INPP5F: variants seen among roughly 807,000 people sequenced by gnomAD.
INPP5F encodes inositol polyphosphate-5-phosphatase F, also known as phosphatidylinositide 4-phosphatase SAC2.
INPP5F carries 97 observed loss-of-function variants against 137.2 expected under a neutral mutation model. The ratio of observed to expected loss-of-function variants is 0.71; its 90% CI spans 0.60 to 0.84. INPP5F has a LOEUF of 0.84. Among genes scored for constraint, INPP5F ranks in the 40% least tolerant of loss-of-function variants. The pLI, the probability that INPP5F is intolerant of heterozygous loss-of-function variation, is 0.00. For synonymous variants in INPP5F, 504 were observed against 476.9 expected (o/e 1.06, Z -0.74); for missense variants, 1,271 against 1,371.9 (o/e 0.93, Z 1.16).
At chr10:119,747,493 A>G (rs910449193) in intron 1 of INPP5F, among the ~76,000 whole-genome samples, 1 of 152,194 alleles carries the variant, frequency 6.6e-6, no homozygotes, top group Admixed American at 6.5e-5. Flanking sequence ...TGTTGGGGTT[A>G]CAGGCATGAG....
At chr10:119,749,373 A>G (rs1431541863) in intron 1 of INPP5F, among the ~76,000 whole-genome samples, 1 of 152,262 alleles carries the variant, frequency 6.6e-6, no homozygotes. Context: ...TGCGGCTGCC[A>G]TCAATAATGC....
chr10:119,769,280 T>G (rs1377577608), intron 2 of INPP5F, among the ~76,000 whole-genome samples: 1 of 152,158 alleles, frequency 6.6e-6, no homozygotes, highest in Admixed American at 6.5e-5. Context: ...GGGAGTCGGT[T>G]AATTTTAAAA....
Position 119,810,198 on chromosome 10 carries a change from T to G in INPP5F, c.1668T>G (p.Ala556=), listed in dbSNP as rs777340450. Reference sequence around the variant, plus strand: ...ATTACCTCAACCGATTTAAGGATGCTTATAGGCAAGCTGTTATAGGTAAGA... The same window carrying G: ...ATTACCTCAACCGATTTAAGGATGCGTATAGGCAAGCTGTTATAGGTAAGA... ...NRYYLNRFKD[A]YRQAVIDLMQ... Residue 556 remains alanine (A), a synonymous_variant, in exon 14 of 20, where the codon GCT becomes GCG. Coordinates refer to ENST00000650623, the MANE Select transcript of INPP5F (RefSeq NM_014937.4). 2.5e-6 allele frequency: 4 copies of G among 1,602,308 alleles called. No homozygotes were observed. Among genetic ancestry groups the G allele is most frequent in the Non-Finnish European group, 3.4e-6 (4 of 1,169,552 alleles).
rs1398130249 is a variant in INPP5F at position 119,829,117 on chromosome 10, TAAAATA to T, written c.*1340_*1345del. The T allele has an allele frequency of 2.6e-5, 4 of 152,294 alleles. No individual in the cohort carries two copies. The highest frequency in any genetic ancestry group is 1.9e-4 in the East Asian group (1 of 5,186). 9.4% of individuals were successfully genotyped at this position (152,294 alleles called of 1,614,324 possible). A position where few individuals can be genotyped will look rare whatever the true frequency, so the allele number is the denominator to read the frequency against. ...TTTACGTGTTAAATCTTGTGATTATTAAAATAAAGTACCATTGTAATTTAAAGTGAC... is the reference window on the plus strand; with the variant it reads ...TTTACGTGTTAAATCTTGTGATTATTAAGTACCATTGTAATTTAAAGTGAC... On this transcript the variant is annotated 3_prime_UTR_variant, in exon 20 of 20. Transcript: ENST00000650623.
intron 6 of INPP5F, chr10:119,793,531 A>G (rs1030317517): frequency 6.6e-6 from 1 of 151,406 alleles, no homozygotes; most frequent in Non-Finnish European, 1.5e-5. Flanking sequence ...CGGAGATAAG[A>G]GAGAAAGGAC....
chr10:119,760,187 T>C (rs1189970398), intron 2 of INPP5F, among the ~76,000 whole-genome samples: 1 of 152,212 alleles, frequency 6.6e-6, no homozygotes, highest in African/African-American at 2.4e-5. Context: ...CTCATTCCTT[T>C]TTCTAGTCAT....
At chr10:119,735,275 GTTATT>G (rs1164508150) in intron 1 of INPP5F, among the ~76,000 whole-genome samples, 3 of 152,064 alleles carry the variant, frequency 2.0e-5, no homozygotes, top group Non-Finnish European at 4.4e-5. Flanking sequence ...TTTCTTTTAA[GTTATT>G]TTATTTTAAT....
chr10:119,811,842 T>G lies in INPP5F; in HGVS notation c.1773T>G (p.Asn591Lys). The stretch of plus-strand genomic sequence containing the variant: ...AACATGAAGCTTTGCATAAGGAAAA[T>G]CAGAGAAGCCACCAGGAACTAATTA... The part of the protein sequence containing the change: ...EKEHEALHKE[N>K]QRSHQELISQ... Residue 591 changes from asparagine (N) to lysine (K), a missense_variant, in exon 15 of 20, where the codon AAT becomes AAG. Physicochemically the swap from Asn to Lys is moderately conservative, Grantham distance 94. This residue lies in a region of INPP5F where 593 missense variants were observed against 712.4 expected (regional missense o/e 0.83). Coordinates refer to ENST00000650623, the MANE Select transcript of INPP5F (RefSeq NM_014937.4). 1 of 1,614,072 alleles carries G rather than the reference T, an allele frequency of 6.2e-7. No homozygotes were observed. Among genetic ancestry groups the G allele is most frequent in the East Asian group, 2.2e-5 (1 of 44,882 alleles).
At chr10:119,746,843 C>T (rs970169701) in intron 1 of INPP5F, among the ~76,000 whole-genome samples, 5 of 148,872 alleles carry the variant, frequency 3.4e-5, no homozygotes, top group Admixed American at 1.3e-4. Flanking sequence ...CAGTTGAGTG[C>T]AGTGATGTAA....
At chr10:119,772,532 A>G (rs1020066726) in intron 2 of INPP5F, among the ~76,000 whole-genome samples, 15 of 151,994 alleles carry the variant, frequency 9.9e-5, no homozygotes, top group African/African-American at 3.6e-4. Context: ...GATATGTTTC[A>G]TTTTTAATGG....
At position 119,823,811 on chromosome 10, in the gene INPP5F, GCAGATACC is replaced by G; in HGVS notation, c.2162-2_2167del. 1.2e-6 allele frequency: 2 copies of G among 1,611,968 alleles called. No individual in the cohort carries two copies. The highest frequency in any genetic ancestry group is 1.7e-6 in the Non-Finnish European group (2 of 1,178,594). ...ATTGGCAGGCAGTTATATTTGGGTT[GCAGATACC>G]CTTCAGTGCATTGCAGAGATGCTGC... On this transcript the variant is annotated splice_acceptor_variant and splice_polypyrimidine_tract_variant and coding_sequence_variant and intron_variant, in exon 19 of 20. Transcript: ENST00000650623. LOFTEE classifies it high-confidence loss of function.
rs996909929 is a variant in INPP5F at position 119,828,950 on chromosome 10, G to A, written c.*1170G>A. ...CTGTAATCCCCACAGTAAGAAAGTT[G>A]TATGGCATATTCCAACAAGTATTGG... is the stretch of plus-strand genomic sequence containing the variant. On this transcript the variant is annotated 3_prime_UTR_variant, in exon 20 of 20. Transcript: ENST00000650623. 1 of 152,648 alleles carries A rather than the reference G, an allele frequency of 6.6e-6. No homozygotes were observed. Among genetic ancestry groups the A allele is most frequent in the Non-Finnish European group, 1.5e-5 (1 of 68,058 alleles). 9.5% of individuals were successfully genotyped at this position (152,648 alleles called of 1,614,324 possible).
intron 2 of INPP5F, among the ~76,000 whole-genome samples, chr10:119,771,113 C>T (rs1241098008): frequency 2.0e-5 from 3 of 152,172 alleles, no homozygotes; most frequent in Non-Finnish European, 4.4e-5. Flanking sequence ...TACCCCTACA[C>T]CAGCTCCTGG....
At chr10:119,777,496 A>C (rs1183398149) in intron 2 of INPP5F, among the ~76,000 whole-genome samples, 1 of 152,220 alleles carries the variant, frequency 6.6e-6, no homozygotes, top group Non-Finnish European at 1.5e-5. Flanking sequence ...ACCGCACTGC[A>C]GCCTGGCAAC....
intron 2 of INPP5F, among the ~76,000 whole-genome samples, chr10:119,755,928 T>C (rs1589681483): frequency 1.3e-5 from 2 of 151,310 alleles, no homozygotes; most frequent in East Asian, 3.9e-4. Flanking sequence ...GAGGCTGAGG[T>C]GGGCAGATCA....
At position 119,796,928 on chromosome 10, in the gene INPP5F, G is replaced by A. The variant is rs373887437; in HGVS notation, c.868+15G>A. 1 of 1,603,396 alleles carries A rather than the reference G, an allele frequency of 6.2e-7. No homozygotes were observed. Among genetic ancestry groups the A allele is most frequent in the Admixed American group, 1.7e-5 (1 of 59,908 alleles). The stretch of plus-strand genomic sequence containing the variant: ...GCACAGAGCAGGTGAGTGGAGGGCT[G>A]TAATAGCATTCAAATCAAATCCAGG... On this transcript the variant is annotated intron_variant, in intron 7 of 19. Transcript: ENST00000650623.
chr10:119,801,206 C>G (rs553725867), intron 9 of INPP5F, among the ~76,000 whole-genome samples: 2 of 152,260 alleles, frequency 1.3e-5, no homozygotes, highest in African/African-American at 4.8e-5. Flanking sequence ...TCCACGTGTA[C>G]TAATGGGAAG....
chr10:119,771,843 G>GATATATAT (rs1564819539), intron 2 of INPP5F, among the ~76,000 whole-genome samples: 12 of 40,882 alleles, frequency 2.9e-4, no homozygotes, highest in Non-Finnish European at 4.9e-4. Flanking sequence ...ATAAAGTATG[G>GATATATAT]AGATATATAT....
rs183616108 is a variant in INPP5F, at chr10:119,726,072, T to G, written c.-191T>G. On this transcript the variant is annotated 5_prime_UTR_variant, in exon 1 of 20. Coordinates refer to ENST00000650623, the MANE Select transcript of INPP5F (RefSeq NM_014937.4). ...GGGGAGAGGCCTCTACGGCCGCCGCTGCCGCCGCCGCTGCCGGGGCGCGTT... is the reference window on the plus strand; with the variant it reads ...GGGGAGAGGCCTCTACGGCCGCCGCGGCCGCCGCCGCTGCCGGGGCGCGTT... The G allele has an allele frequency of 1.9e-3, 713 of 368,874 alleles. 7 individuals carry two copies. Among genetic ancestry groups the G allele is most frequent in the African/African-American group, 0.015 (675 of 46,224 alleles). The allele number at this position is 368,874 out of a possible 1,614,324, so 22.9% of individuals were successfully genotyped here.
Sources: allele counts gnomAD v4.1 joint callset (sites outside exome capture counted in the v4.1 genomes callset), GRCh38; gene constraint gnomAD v4.1.1; regional missense constraint gnomAD v4.1.1; transcripts MANE v1.5; gene names NCBI Gene and HGNC (gene_info 2026-07-23, HGNC 2026-07-21).